The following KSR1 variants were observed in gnomAD, a reference collection of about 807,000 sequenced individuals.
KSR1 encodes the protein kinase suppressor of ras.
A neutral mutation model predicts 92.9 loss-of-function variants in KSR1; 35 were observed. The observed-to-expected ratio is 0.38, with a 90% CI of 0.29 to 0.50. The LOEUF (loss-of-function observed/expected upper bound fraction) is 0.50. Ranked by LOEUF, KSR1 falls within the 20% of genes least tolerant of loss-of-function variation. The probability of loss-of-function intolerance (pLI) is 0.94; values close to 1 mark genes in which losing one functional copy is unlikely to be tolerated. For synonymous variants in KSR1, 467 were observed against 472.6 expected (o/e 0.99, Z 0.15); for missense variants, 972 against 1,158.5 (o/e 0.84, Z 2.34).
chr17:27,499,238 G>A (rs1276007564), intron 1 of KSR1, among the ~76,000 whole-genome samples: 2 of 152,192 alleles, frequency 1.3e-5, no homozygotes, highest in Admixed American at 1.3e-4. Context: ...TGGGCAGCAA[G>A]TGTAATCCAA....
intron 14 of KSR1, among the ~76,000 whole-genome samples, chr17:27,606,243 C>T (rs2073747922): frequency 6.6e-6 from 1 of 152,198 alleles, no homozygotes; most frequent in South Asian, 2.1e-4. Context: ...CATGCCACTG[C>T]ACTCCAGCCT....
intron 2 of KSR1, among the ~76,000 whole-genome samples, chr17:27,558,858 T>C (rs770926024): frequency 1.3e-5 from 2 of 152,102 alleles, no homozygotes; most frequent in Non-Finnish European, 2.9e-5. Context: ...TGGGGGAACT[T>C]TGTGTGGTGG....
intron 10 of KSR1, 49 bp from the exon 11 acceptor site, chr17:27,601,311 C>T: frequency 6.5e-7 from 1 of 1,545,402 alleles, no homozygotes; most frequent in Non-Finnish European, 8.9e-7. Flanking sequence ...CTCCTCCCTC[C>T]TGCGTTGGCC....
At chr17:27,587,914 G>A (rs1281756402) in intron 5 of KSR1, among the ~76,000 whole-genome samples, 1 of 152,262 alleles carries the variant, frequency 6.6e-6, no homozygotes, top group Non-Finnish European at 1.5e-5. Context: ...ACTCGAGAAT[G>A]TGGTAAAGCT....
At chr17:27,547,877 T>A (rs949655597) in intron 1 of KSR1, among the ~76,000 whole-genome samples, 5 of 152,124 alleles carry the variant, frequency 3.3e-5, no homozygotes, top group African/African-American at 4.8e-5. Flanking sequence ...CATGCCTGGC[T>A]AATTTTTGTA....
chr17:27,517,519 A>AT (rs757345076), intron 1 of KSR1, among the ~76,000 whole-genome samples: 2 of 152,144 alleles, frequency 1.3e-5, no homozygotes, highest in Non-Finnish European at 2.9e-5. Flanking sequence ...CGAACTCCTG[A>AT]TTCTGAGCTC....
chr17:27,605,171 TCA>T, intron 13 of KSR1, among the ~76,000 whole-genome samples: 1 of 152,358 alleles, frequency 6.6e-6, no homozygotes, highest in African/African-American at 2.4e-5. Flanking sequence ...TAGATGTTGC[TCA>T]CAGGTAGGTA....
At chr17:27,539,887 G>A (rs555651500) in intron 1 of KSR1, among the ~76,000 whole-genome samples, 1 of 152,372 alleles carries the variant, frequency 6.6e-6, no homozygotes, top group East Asian at 1.9e-4. Flanking sequence ...TGGCTTTGCA[G>A]GTGGGAGCTG....
Position 27,599,153 on chromosome 17 carries a change from A to ATGC in KSR1, c.1468+1718_1468+1720dup, listed in dbSNP as rs1598117502. Reference sequence around the variant, plus strand: ...CCTGTTGTTTCTAGACTGCAAACCTATGCAGCATGTGACTGTACTGAATAT... The same window carrying ATGC: ...CCTGTTGTTTCTAGACTGCAAACCTATGCTGCAGCATGTGACTGTACTGAATAT... On this transcript the variant is annotated intron_variant, in intron 10 of 20. Transcript: ENST00000644974. 2.0e-5 allele frequency among the ~76,000 whole-genome samples: 3 copies of ATGC among 152,364 alleles called. No homozygotes were observed. The East Asian group carries it at 5.8e-4, about 29-fold the overall frequency.
chr17:27,480,889 C>A (rs889276113), intron 1 of KSR1, among the ~76,000 whole-genome samples: 1 of 152,284 alleles, frequency 6.6e-6, no homozygotes, highest in East Asian at 1.9e-4. Context: ...CCTCCTTAGT[C>A]GCATGCGTGT....
rs139798813 is a variant in KSR1 at position 27,555,100 on chromosome 17, AT to A, written c.372+4394del. On this transcript the variant is annotated intron_variant, in intron 2 of 20. Coordinates refer to ENST00000644974, the MANE Select transcript of KSR1 (RefSeq NM_001394583.1). ...CAATCCAGGGCACCGCATGGTTTAC[AT>A]TATTTTGATTTATCATGTCTCCCCA... 1.0e-2 allele frequency among the ~76,000 whole-genome samples: 1,518 copies of A among 152,290 alleles called. 15 individuals are homozygous for A. The highest frequency in any genetic ancestry group is 0.016 in the Non-Finnish European group (1,089 of 68,008).
At chr17:27,538,632 C>G (rs570751542) in intron 1 of KSR1, among the ~76,000 whole-genome samples, 2 of 152,356 alleles carry the variant, frequency 1.3e-5, no homozygotes, top group East Asian at 3.9e-4. Context: ...CTGCGAGCCA[C>G]TGACTGAGAC....
At chr17:27,541,288 G>T (rs1409335252) in intron 1 of KSR1, among the ~76,000 whole-genome samples, 1 of 152,252 alleles carries the variant, frequency 6.6e-6, no homozygotes, top group African/African-American at 2.4e-5. Flanking sequence ...GACGAATGGA[G>T]TGGCTGTCCA....
chr17:27,593,050 A>G (rs2151196867), intron 9 of KSR1, among the ~76,000 whole-genome samples: 1 of 152,354 alleles, frequency 6.6e-6, no homozygotes, highest in East Asian at 1.9e-4. Flanking sequence ...GTCACAGTGC[A>G]GCAGATACAC....
chr17:27,618,422 C>T (rs369628774), intron 19 of KSR1, among the ~76,000 whole-genome samples: 5 of 152,238 alleles, frequency 3.3e-5, no homozygotes, highest in Admixed American at 6.5e-5. Flanking sequence ...GCCTCAGTTT[C>T]CACGGCATTA....
chr17:27,570,554 C>A (rs1349405271), intron 2 of KSR1, among the ~76,000 whole-genome samples: 1 of 152,246 alleles, frequency 6.6e-6, no homozygotes. Context: ...CTTACCAATG[C>A]ATACGTGAGA....
In KSR1 at chr17:27,601,391, T is replaced by A; in HGVS notation, c.1500T>A (p.Phe500Leu). The change falls in exon 11 of 21, where the codon TTT becomes TTA. Residue 500 changes from phenylalanine (F) to leucine (L), a missense_variant. By Grantham distance (22) the Phe-to-Leu change is conservative. This residue lies in a region of KSR1 where 611 missense variants were observed against 668.0 expected (regional missense o/e 0.91). Transcript: ENST00000644974. The stretch of plus-strand genomic sequence containing the variant: ...ACTTCATTCATCATAGACAGCAGTT[T>A]ATCTTTCCAGGTGAGTCCTTTGCAT... ...AAYFIHHRQQ[F>L]IFPDISAFAH... 1 of 1,613,666 alleles carries A rather than the reference T, an allele frequency of 6.2e-7. No homozygotes were observed. Among genetic ancestry groups the A allele is most frequent in the Non-Finnish European group, 8.5e-7 (1 of 1,179,576 alleles).
chr17:27,487,817 C>T (rs1040529869), intron 1 of KSR1, among the ~76,000 whole-genome samples: 5 of 152,106 alleles, frequency 3.3e-5, no homozygotes, highest in South Asian at 2.1e-4. Flanking sequence ...AGACAGAGAC[C>T]GAGAGAGGAG....
intron 1 of KSR1, among the ~76,000 whole-genome samples, chr17:27,523,796 A>G (rs1371434816): frequency 1.3e-5 from 2 of 152,218 alleles, no homozygotes; most frequent in African/African-American, 2.4e-5. Flanking sequence ...TCAGCTTTCC[A>G]GGGAGCAGGA....
Sources: gnomAD v4.1 joint callset for allele counts (sites outside exome capture counted in the v4.1 genomes callset) on GRCh38, gnomAD v4.1.1 for gene constraint, gnomAD v4.1.1 regional missense constraint, MANE v1.5 for transcripts, NCBI Gene and HGNC (gene_info 2026-07-23, HGNC 2026-07-21) for gene names.